Variants in CHD4 observed in about 807,000 individuals in gnomAD.
The protein encoded by CHD4 is ATP-dependent chromatin remodeler CHD4.
A neutral mutation model predicts 235.5 loss-of-function variants in CHD4; 35 were observed. The ratio of observed to expected loss-of-function variants is 0.15; its 90% CI spans 0.11 to 0.20. The LOEUF is 0.20. Ranked by LOEUF, CHD4 falls within the 10% of genes least tolerant of loss-of-function variation. The pLI is 1.00. For missense variants in CHD4, 1,329 were observed against 2,432.3 expected, an observed-to-expected ratio of 0.55 and a Z score of 9.54; for synonymous variants, 900 against 850.2, an observed-to-expected ratio of 1.06 and a Z score of -1.02.
chr12:6,577,608 T>TTC, intron 37 of CHD4, 177 bp downstream of exon 37: 1 of 764,388 alleles, frequency 1.3e-6, no homozygotes, highest in Non-Finnish European at 2.1e-6. Context: ...GTACAGTTAG[T>TTC]TAACTTTCAA....
intron 9 of CHD4, 64 bp from the exon 10 acceptor site, chr12:6,600,076 T>C (rs966143943): frequency 1.4e-5 from 22 of 1,585,036 alleles, no homozygotes; most frequent in African/African-American, 2.7e-5. Flanking sequence ...CTGAAGCCAG[T>C]GCCCATCATT....
chr12:6,575,963 C>T (rs566274542), intron 37 of CHD4, among the ~76,000 whole-genome samples: 5 of 152,252 alleles, frequency 3.3e-5, no homozygotes, highest in East Asian at 1.9e-4. Flanking sequence ...AAATCTCCGT[C>T]GCATTCTTCA....
chr12:6,598,535 G>A, intron 10 of CHD4, 110 bp from the exon 11 acceptor site: 3 of 939,408 alleles, frequency 3.2e-6, no homozygotes, highest in Non-Finnish European at 4.7e-6. Context: ...TTCAGACCTG[G>A]AGCAGTGGCT....
chr12:6,595,277 G>T, intron 14 of CHD4, 57 bp downstream of exon 14: 1 of 1,385,948 alleles, frequency 7.2e-7, no homozygotes, highest in Non-Finnish European at 1.0e-6. Context: ...TCATTAGACT[G>T]CAGCAAAGAT....
chr12:6,605,779 C>A (rs543992350), intron 2 of CHD4, among the ~76,000 whole-genome samples: 1 of 152,204 alleles, frequency 6.6e-6, no homozygotes, highest in East Asian at 1.9e-4. Context: ...GTTCAGACAG[C>A]ACAGAAAACC....
At chr12:6,580,435 G>C (rs1948160072) in intron 33 of CHD4, 1 of 152,660 alleles carries the variant, frequency 6.6e-6, no homozygotes, top group African/African-American at 2.4e-5. Flanking sequence ...GGCCAGGCAT[G>C]GTAGCTCACG....
At chr12:6,585,051 G>A (rs1385423412) in intron 25 of CHD4, among the ~76,000 whole-genome samples, 1 of 152,170 alleles carries the variant, frequency 6.6e-6, no homozygotes, top group Non-Finnish European at 1.5e-5. Context: ...GTTCTGAGGT[G>A]GAAGAATGAG....
In CHD4 at chr12:6,600,202, T is replaced by C. The variant is rs532637406; in HGVS notation, c.1242+15A>G. On this transcript the variant is annotated intron_variant, in intron 9 of 39. Coordinates refer to ENST00000544040, the MANE Select transcript of CHD4 (RefSeq NM_001273.5). ...TCTCATGGGTTCCAAGGGGCCACAA[T>C]GGCCAGACACTCACGCAGTGTGGGC... 4.3e-6 allele frequency: 7 copies of C among 1,613,254 alleles called. No individual in the cohort carries two copies. The highest frequency in any genetic ancestry group is 1.7e-4 in the Middle Eastern group (1 of 6,046).
chr12:6,587,358 C>A lies in CHD4; in HGVS notation c.3879+26G>T, dbSNP rs1177916711. On this transcript the variant is annotated intron_variant, in intron 25 of 39. Transcript: ENST00000544040. ...CAATTTTCAGACCAATTACCAAGCACAGGATTGCCTTGGATTCATACTCAC... is the reference window on the plus strand; with the variant it reads ...CAATTTTCAGACCAATTACCAAGCAAAGGATTGCCTTGGATTCATACTCAC... The A allele has an allele frequency of 1.4e-5, 22 of 1,604,398 alleles. No individual in the cohort carries two copies. The Admixed American group carries it at 3.2e-4, about 23-fold the overall frequency.
intron 25 of CHD4, among the ~76,000 whole-genome samples, chr12:6,585,799 A>C (rs1299636126): frequency 3.3e-5 from 5 of 150,056 alleles, no homozygotes; most frequent in Non-Finnish European, 7.4e-5. Context: ...AAAAAAAAAA[A>C]AACACACACA....
Position 6,602,191 on chromosome 12 carries a change from G to C in CHD4, c.223-16C>G, listed in dbSNP as rs745351452. On this transcript the variant is annotated splice_polypyrimidine_tract_variant and intron_variant, in intron 3 of 39. Coordinates refer to ENST00000544040, the MANE Select transcript of CHD4 (RefSeq NM_001273.5). ...AGAGCATACGCTGGAGCAGGGCAAG[G>C]GGGGAAGAGGGAGACAGACACACAC... 9 of 1,613,140 alleles carry C rather than the reference G, an allele frequency of 5.6e-6. No homozygotes were observed. Among genetic ancestry groups the C allele is most frequent in the East Asian group, 4.5e-5 (2 of 44,852 alleles).
chr12:6,605,320 G>A (rs1230152322), intron 2 of CHD4, among the ~76,000 whole-genome samples: 7 of 152,202 alleles, frequency 4.6e-5, no homozygotes, highest in Non-Finnish European at 8.8e-5. Flanking sequence ...TGAAGGTCAA[G>A]GAGATGAGTA....
intron 25 of CHD4, chr12:6,584,055 G>A (rs987088661): frequency 2.6e-5 from 4 of 152,062 alleles, no homozygotes; most frequent in African/African-American, 4.8e-5. Flanking sequence ...TGTATCCACG[G>A]GTTCCGCACC....
intron 38 of CHD4, chr12:6,571,253 T>A (rs1403728926): frequency 1.9e-6 from 1 of 530,582 alleles, no homozygotes; most frequent in African/African-American, 1.9e-5. Context: ...AAACCTTCAC[T>A]ATCCCTTACT....
chr12:6,606,184 G>A (rs975944761), intron 2 of CHD4, 90 bp downstream of exon 2: 16 of 852,116 alleles, frequency 1.9e-5, no homozygotes, highest in African/African-American at 7.1e-5. Flanking sequence ...CAGAGACAGC[G>A]GAGCAACACA....
Position 6,593,664 on chromosome 12 carries a change from CA to C in CHD4, c.2314-49del, listed in dbSNP as rs754552051. ...CAGGACTGAGGGCCCCAGCACACTGCAACCCCAGCGAACACCCACCACCCTG... is the reference window on the plus strand; with the variant it reads ...CAGGACTGAGGGCCCCAGCACACTGCACCCCAGCGAACACCCACCACCCTG... On this transcript the variant is annotated intron_variant, in intron 15 of 39. Coordinates refer to ENST00000544040, the MANE Select transcript of CHD4 (RefSeq NM_001273.5). The surrounding 1 kb of genome is among the most constrained non-coding windows in gnomAD (Gnocchi z 4.9). The C allele has an allele frequency of 1.9e-6, 3 of 1,568,520 alleles. No homozygotes were observed. Among genetic ancestry groups the C allele is most frequent in the Non-Finnish European group, 1.7e-6 (2 of 1,144,432 alleles).
Position 6,570,533 on chromosome 12 carries a change from A to G in CHD4, c.*143T>C. On this transcript the variant is annotated 3_prime_UTR_variant, in exon 40 of 40. Transcript: ENST00000544040. ...TGCCCCTCACTCCCTCCCCTCCCCC[A>G]GTGCACTGGGGCTGTTCCTTTACAA... 1.1e-6 allele frequency: 1 copy of G among 881,126 alleles called. No individual in the cohort carries two copies. Among genetic ancestry groups the G allele is most frequent in the Non-Finnish European group, 1.8e-6 (1 of 562,160 alleles). 54.6% of individuals were successfully genotyped at this position (881,126 alleles called of 1,614,324 possible).
intron 29 of CHD4, 107 bp downstream of exon 29, chr12:6,582,508 G>T: frequency 6.7e-7 from 1 of 1,482,358 alleles, no homozygotes; most frequent in Non-Finnish European, 9.1e-7. Flanking sequence ...AACTTCAACA[G>T]AGAAAATAGC....
chr12:6,588,128 T>C (rs142859588), intron 23 of CHD4, among the ~76,000 whole-genome samples, 170 bp downstream of exon 23: 140 of 152,288 alleles, frequency 9.2e-4, no homozygotes, highest in African/African-American at 2.7e-3. Context: ...TTACCCAAAA[T>C]AGGATCACAG....
Sources: gnomAD v4.1 joint callset for allele counts (sites outside exome capture counted in the v4.1 genomes callset) on GRCh38, gnomAD v4.1.1 for gene constraint, Gnocchi (gnomAD v3.1) non-coding constraint, MANE v1.5 for transcripts, NCBI Gene and HGNC (gene_info 2026-07-23, HGNC 2026-07-21) for gene names.